The following NDUFB7 variants were observed in gnomAD, a reference collection of about 807,000 sequenced individuals.
NDUFB7 encodes NADH dehydrogenase [ubiquinone] 1 beta subcomplex subunit 7.
In NDUFB7, 18 loss-of-function variants were observed where a neutral mutation model predicts 14.7. The ratio of observed to expected loss-of-function variants is 1.22; its 90% confidence interval spans 0.85 to 1.81. The LOEUF is 1.81. Among genes scored for constraint, NDUFB7 ranks in the 40% most tolerant of loss-of-function variants. NDUFB7 has a pLI of 0.00. For synonymous variants in NDUFB7, 86 were observed against 76.1 expected, an observed-to-expected ratio of 1.13 and a Z score of -0.68; for missense variants, 219 against 195.0, an observed-to-expected ratio of 1.12 and a Z score of -0.73.
chr19:14,571,849 G>A (rs1242615394), intron 1 of NDUFB7, 40 bp downstream of exon 1: 2 of 1,569,486 alleles, frequency 1.3e-6, no homozygotes, highest in South Asian at 1.2e-5. Context: ...AGGCACCCGC[G>A]CCCCACGCCC....
chr19:14,571,597 C>T (rs1441259355), intron 1 of NDUFB7, among the ~76,000 whole-genome samples: 1 of 119,442 alleles, frequency 8.4e-6, no homozygotes, highest in Non-Finnish European at 1.8e-5. Flanking sequence ...GACTCCGTCT[C>T]AAAAGAAAAA....
chr19:14,570,453 G>A lies in NDUFB7; in HGVS notation c.112+1436C>T, dbSNP rs562011007. 5.3e-5 allele frequency among the ~76,000 whole-genome samples: 8 copies of A among 152,220 alleles called. No individual in the cohort carries two copies. The South Asian group carries it at 8.3e-4, about 16-fold the overall frequency. On this transcript the variant is annotated intron_variant, in intron 1 of 2. Transcript: ENST00000215565. ...CTGACCTCGTGATCTGCCCGCCTCGGCCTCCCAAAGTGCTGGGATTATGGG... is the reference window on the plus strand; with the variant it reads ...CTGACCTCGTGATCTGCCCGCCTCGACCTCCCAAAGTGCTGGGATTATGGG...
rs755175001 is a variant in NDUFB7 at position 14,566,809 on chromosome 19, G to A, written c.237C>T (p.Ala79=). 7 of 1,548,242 alleles carry A rather than the reference G, an allele frequency of 4.5e-6. No homozygotes were observed. In the African/African-American group the frequency reaches 9.6e-5, roughly 21 times the overall value. Residue 79 remains alanine (A), a synonymous_variant, in exon 2 of 3, where the codon GCC becomes GCT. Coordinates refer to ENST00000215565, the MANE Select transcript of NDUFB7 (RefSeq NM_004146.6). ...CKRDSFPNFL[A]CKQERHDWDY... Reference sequence around the variant, plus strand: ...CCCAGTCGTGCCGCTCCTGCTTGCAGGCCAGGAAGTTGGGGAAGCTGTCAC... The same window carrying A: ...CCCAGTCGTGCCGCTCCTGCTTGCAAGCCAGGAAGTTGGGGAAGCTGTCAC...
At position 14,570,938 on chromosome 19, in the gene NDUFB7, G is replaced by A. The variant is rs544786135; in HGVS notation, c.112+951C>T. Among the ~76,000 whole-genome samples the A allele has an allele frequency of 5.3e-5, 8 of 152,058 alleles. No homozygotes were observed. In the South Asian group the frequency reaches 1.5e-3, roughly 28 times the overall value. Reference sequence around the variant, plus strand: ...CTTTGGGAGGCTGGGCAGAAGGATCGTTTGAGCCCAGGAGTTTGAGACCAG... The same window carrying A: ...CTTTGGGAGGCTGGGCAGAAGGATCATTTGAGCCCAGGAGTTTGAGACCAG... On this transcript the variant is annotated intron_variant, in intron 1 of 2. Coordinates refer to ENST00000215565, the MANE Select transcript of NDUFB7 (RefSeq NM_004146.6).
chr19:14,568,204 C>G (rs1432809298), intron 1 of NDUFB7, among the ~76,000 whole-genome samples: 1 of 152,174 alleles, frequency 6.6e-6, no homozygotes, highest in Non-Finnish European at 1.5e-5. Flanking sequence ...GCCACCATGC[C>G]CGACTAATTT....
chr19:14,566,673 T>C, intron 2 of NDUFB7, 92 bp downstream of exon 2: 1 of 580,546 alleles, frequency 1.7e-6, no homozygotes. Context: ...GGGCTGGGCA[T>C]GTGGGGGGCT....
intron 2 of NDUFB7, 69 bp from the exon 3 acceptor site, chr19:14,566,334 CG>C (rs1396499918): frequency 4.5e-5 from 72 of 1,604,626 alleles, no homozygotes; most frequent in Non-Finnish European, 5.9e-5. Flanking sequence ...CCCTGGGAAG[CG>C]GAGGGGCCGT....
chr19:14,570,985 C>G (rs1489127134), intron 1 of NDUFB7, among the ~76,000 whole-genome samples: 2 of 151,868 alleles, frequency 1.3e-5, no homozygotes, highest in Non-Finnish European at 2.9e-5. Flanking sequence ...CAGCAAGACC[C>G]CCAACTCTAC....
rs1265270832 is a variant in NDUFB7, at chr19:14,567,456, G to A, written c.113-523C>T. 4.6e-5 allele frequency among the ~76,000 whole-genome samples: 7 copies of A among 152,138 alleles called. No homozygotes were observed. Among genetic ancestry groups the A allele is most frequent in the Non-Finnish European group, 7.3e-5 (5 of 68,032 alleles). Reference sequence around the variant, plus strand: ...CCATCCGGTCATGGAAGTTACCCGAGCATCCACTGAGCTAACAGTACCTGT... The same window carrying A: ...CCATCCGGTCATGGAAGTTACCCGAACATCCACTGAGCTAACAGTACCTGT... On this transcript the variant is annotated intron_variant, in intron 1 of 2. Coordinates refer to ENST00000215565, the MANE Select transcript of NDUFB7 (RefSeq NM_004146.6). The surrounding 1 kb of genome is among the most constrained non-coding windows in gnomAD (Gnocchi z 5.1).
In NDUFB7 at chr19:14,567,817, C is replaced by T. The variant is rs966817785; in HGVS notation, c.113-884G>A. ...TTCTCTCCCCTTTGCTTCCCAGCTG[C>T]GATTCTCTCATCCCACTGAGGCCCA... On this transcript the variant is annotated intron_variant, in intron 1 of 2. Coordinates refer to ENST00000215565, the MANE Select transcript of NDUFB7 (RefSeq NM_004146.6). This position sits in a 1 kb window ranked among gnomAD's most constrained non-coding sequence, Gnocchi z 5.1. 4.6e-5 allele frequency among the ~76,000 whole-genome samples: 7 copies of T among 152,132 alleles called. No individual in the cohort carries two copies. The South Asian group carries it at 6.2e-4, about 13-fold the overall frequency.
intron 1 of NDUFB7, among the ~76,000 whole-genome samples, chr19:14,568,935 G>A (rs2074109112): frequency 6.6e-6 from 1 of 152,020 alleles, no homozygotes; most frequent in African/African-American, 2.4e-5. Flanking sequence ...AGCACTTTGG[G>A]AGGCCGAGGC....
intron 1 of NDUFB7, among the ~76,000 whole-genome samples, chr19:14,568,564 C>T (rs1266172819): frequency 6.6e-6 from 1 of 151,994 alleles, no homozygotes; most frequent in Non-Finnish European, 1.5e-5. Flanking sequence ...CTACTGTGTG[C>T]TTAGTGGTGG....
rs117175995 is a variant in NDUFB7, at chr19:14,570,645, C to T, written c.112+1244G>A. On this transcript the variant is annotated intron_variant, in intron 1 of 2. Coordinates refer to ENST00000215565, the MANE Select transcript of NDUFB7 (RefSeq NM_004146.6). ...AGCCACCACGACCGGCCACCCTTCA[C>T]GTCTTTGTTTCCAGCCACTGCCTCT... 3.9e-4 allele frequency among the ~76,000 whole-genome samples: 60 copies of T among 152,304 alleles called. No homozygotes were observed. In the East Asian group the frequency reaches 0.01, roughly 25 times the overall value.
At chr19:14,570,625 C>T (rs1038833828) in intron 1 of NDUFB7, among the ~76,000 whole-genome samples, 1 of 152,242 alleles carries the variant, frequency 6.6e-6, no homozygotes, top group African/African-American at 2.4e-5. Flanking sequence ...GCATGAGCCA[C>T]CACGACCGGC....
rs1318968818 is a variant in NDUFB7, at chr19:14,566,163, G to A, written c.384C>T (p.Pro128=). The A allele has an allele frequency of 2.5e-6, 4 of 1,612,990 alleles. No homozygotes were observed. Among genetic ancestry groups the A allele is most frequent in the Admixed American group, 3.3e-5 (2 of 59,888 alleles). Residue 128 remains proline, a synonymous_variant, in exon 3 of 3, where the codon CCC becomes CCT. Transcript: ENST00000215565. The stretch of plus-strand genomic sequence containing the variant: ...GGGCCACCTTGGGGTCCACTTCCCC[G>A]GGTCCCTGGCCTTTGGCCAACTCTG... ...KAAELAKGQG[P]GEVDPKVAL is the part of the protein sequence containing the mutation.
At chr19:14,569,355 G>C (rs1461493251) in intron 1 of NDUFB7, among the ~76,000 whole-genome samples, 1 of 152,176 alleles carries the variant, frequency 6.6e-6, no homozygotes, top group African/African-American at 2.4e-5. Context: ...GCCTTGCTAT[G>C]TTGCCCAGGC....
rs1040223611 is a variant in NDUFB7 at position 14,567,729 on chromosome 19, T to C, written c.113-796A>G. On this transcript the variant is annotated intron_variant, in intron 1 of 2. Coordinates refer to ENST00000215565, the MANE Select transcript of NDUFB7 (RefSeq NM_004146.6). This position sits in a 1 kb window ranked among gnomAD's most constrained non-coding sequence, Gnocchi z 5.1. The stretch of plus-strand genomic sequence containing the variant: ...CCACATCTTTCTCGGTCCCAGCTCC[T>C]TCCCATCTGCGCAAGTGAGACGAGA... Among the ~76,000 whole-genome samples the C allele has an allele frequency of 6.6e-6, 1 of 152,100 alleles. No individual in the cohort carries two copies. The highest frequency in any genetic ancestry group is 1.5e-5 in the Non-Finnish European group (1 of 68,006).
chr19:14,571,699 G>C (rs1450990572), intron 1 of NDUFB7, among the ~76,000 whole-genome samples, 190 bp downstream of exon 1: 1 of 152,160 alleles, frequency 6.6e-6, no homozygotes, highest in African/African-American at 2.4e-5. Flanking sequence ...TGCTCAAGCC[G>C]TGCCCTTGGG....
At chr19:14,566,679 G>A (rs1338195461) in intron 2 of NDUFB7, 86 bp downstream of exon 2, 11 of 1,259,644 alleles carry the variant, frequency 8.7e-6, no homozygotes, top group Non-Finnish European at 1.2e-5. Flanking sequence ...GGCATGTGGG[G>A]GGCTTGGGTG....
Sources: gnomAD v4.1 joint callset for allele counts (sites outside exome capture counted in the v4.1 genomes callset) on GRCh38, gnomAD v4.1.1 for gene constraint, Gnocchi (gnomAD v3.1) non-coding constraint, MANE v1.5 for transcripts, NCBI Gene and HGNC (gene_info 2026-07-23, HGNC 2026-07-21) for gene names.